Variants in RIMS2 observed in about 807,000 individuals in gnomAD.
RIMS2 encodes regulating synaptic membrane exocytosis protein 2.
Under a neutral mutation model 174.4 loss-of-function variants are expected in RIMS2, and 59 were observed. The ratio of observed to expected loss-of-function variants is 0.34; its 90% confidence interval spans 0.27 to 0.42. The LOEUF is 0.42. Among genes scored for constraint, RIMS2 ranks in the 10% least tolerant of loss-of-function variants. The pLI is 1.00. For synonymous variants in RIMS2, 606 were observed against 572.5 expected, an observed-to-expected ratio of 1.06 and a Z score of -0.84; for missense variants, 1,620 against 1,666.3, an observed-to-expected ratio of 0.97 and a Z score of 0.48.
At chr8:104,142,441 C>G (rs555222689) in intron 19 of RIMS2, among the ~76,000 whole-genome samples, 1 of 151,952 alleles carries the variant, frequency 6.6e-6, no homozygotes, top group African/African-American at 2.4e-5. Flanking sequence ...AAGTAAATAT[C>G]TTTTAAATAA....
At chr8:103,569,402 C>T in intron 1 of RIMS2, among the ~76,000 whole-genome samples, 1 of 152,102 alleles carries the variant, frequency 6.6e-6, no homozygotes, top group East Asian at 1.9e-4. Context: ...AAAAAGCTAA[C>T]TTGGATTTCA....
intron 17 of RIMS2, among the ~76,000 whole-genome samples, chr8:104,011,583 TA>T (rs2095763576): frequency 2.0e-5 from 3 of 152,060 alleles, no homozygotes; most frequent in South Asian, 4.1e-4. Context: ...TTTCAATTAT[TA>T]AAAATGATTC....
chr8:103,527,014 G>C (rs1834371084), intron 1 of RIMS2, among the ~76,000 whole-genome samples: 1 of 152,148 alleles, frequency 6.6e-6, no homozygotes, highest in Admixed American at 6.5e-5. Flanking sequence ...TATCCAGAGG[G>C]AAAATGTAGC....
intron 2 of RIMS2, among the ~76,000 whole-genome samples, chr8:103,701,780 G>T (rs1173064850): frequency 6.6e-6 from 1 of 151,896 alleles, no homozygotes; most frequent in Non-Finnish European, 1.5e-5. Context: ...CTTTTTTAGG[G>T]CCGAATAATA....
At chr8:103,512,122 T>C (rs1284144902) in intron 1 of RIMS2, among the ~76,000 whole-genome samples, 1 of 152,090 alleles carries the variant, frequency 6.6e-6, no homozygotes, top group African/African-American at 2.4e-5. Flanking sequence ...TGCTAAGAGG[T>C]TGAGTAACAC....
intron 1 of RIMS2, among the ~76,000 whole-genome samples, chr8:103,508,400 C>G (rs564177377): frequency 6.6e-6 from 1 of 150,570 alleles, no homozygotes; most frequent in Admixed American, 6.6e-5. Flanking sequence ...AGATTGTTCT[C>G]TAAGCAAAAA....
intron 3 of RIMS2, chr8:103,819,428 T>A: frequency 2.5e-6 from 4 of 1,589,688 alleles, no homozygotes; most frequent in Non-Finnish European, 3.4e-6. Flanking sequence ...CGTGTTTTTA[T>A]TTGATGGTGT....
chr8:104,040,210 G>C (rs2096585442), intron 19 of RIMS2, among the ~76,000 whole-genome samples: 1 of 151,574 alleles, frequency 6.6e-6, no homozygotes, highest in African/African-American at 2.4e-5. Context: ...AATATGCTTT[G>C]CTATATAAGT....
intron 19 of RIMS2, among the ~76,000 whole-genome samples, chr8:104,160,407 T>G (rs1042238078): frequency 2.0e-5 from 3 of 152,200 alleles, no homozygotes; most frequent in African/African-American, 4.8e-5. Context: ...CCCCAAGGTA[T>G]TAAACTGATA....
chr8:103,662,250 G>A (rs1227271459), intron 1 of RIMS2, among the ~76,000 whole-genome samples: 2 of 152,174 alleles, frequency 1.3e-5, no homozygotes, highest in East Asian at 3.9e-4. Flanking sequence ...TAAGCTATGT[G>A]CCTCTTATGG....
chr8:104,164,455 C>G (rs1171255522), intron 19 of RIMS2, among the ~76,000 whole-genome samples: 1 of 152,014 alleles, frequency 6.6e-6, no homozygotes, highest in Non-Finnish European at 1.5e-5. Context: ...AGTGAAAATA[C>G]TTGTGTTTTA....
chr8:103,792,178 ACTC>A (rs2154444086), intron 3 of RIMS2, among the ~76,000 whole-genome samples: 1 of 152,170 alleles, frequency 6.6e-6, no homozygotes, highest in East Asian at 1.9e-4. Context: ...GAAGTAAAGC[ACTC>A]CTCAGCAAAT....
At chr8:103,823,327 A>AT (rs1488256364) in intron 3 of RIMS2, among the ~76,000 whole-genome samples, 2 of 151,730 alleles carry the variant, frequency 1.3e-5, no homozygotes, top group African/African-American at 2.4e-5. Flanking sequence ...GAATATTTGG[A>AT]TTTTTTTTCA....
chr8:103,791,625 C>G (rs1363443410), intron 3 of RIMS2, among the ~76,000 whole-genome samples: 1 of 152,148 alleles, frequency 6.6e-6, no homozygotes, highest in African/African-American at 2.4e-5. Context: ...CACAGACTGG[C>G]AAATTCGGTA....
chr8:103,921,810 CT>C, intron 10 of RIMS2, 26 bp downstream of exon 13: 3 of 822,140 alleles, frequency 3.6e-6, no homozygotes, highest in Non-Finnish European at 6.2e-6. Context: ...GTTTACTCTT[CT>C]TTTTGGAATA....
At chr8:103,998,151 CTTAT>C (rs1231164384) in intron 17 of RIMS2, 3 of 1,477,696 alleles carry the variant, frequency 2.0e-6, no homozygotes, top group Middle Eastern at 1.7e-4. Context: ...TTTCTTGAGT[CTTAT>C]TTATATTCTT....
intron 17 of RIMS2, among the ~76,000 whole-genome samples, chr8:103,996,250 A>G (rs561773559): frequency 2.4e-4 from 36 of 151,804 alleles, no homozygotes; most frequent in Non-Finnish European, 4.4e-4. Context: ...TGATTACTGT[A>G]TATTGATTCT....
intron 1 of RIMS2, among the ~76,000 whole-genome samples, chr8:103,687,865 T>A (rs1394397147): frequency 7.1e-6 from 1 of 140,288 alleles, no homozygotes; most frequent in Admixed American, 7.4e-5. Flanking sequence ...AGCTGAATAG[T>A]GTTCCATTGT....
At chr8:103,985,302 C>A (rs752972268) in intron 16 of RIMS2, among the ~76,000 whole-genome samples, 1 of 151,338 alleles carries the variant, frequency 6.6e-6, no homozygotes, top group African/African-American at 2.4e-5. Flanking sequence ...GGTGAAACCC[C>A]GTCTCTACTA....
Sources: gnomAD v4.1 joint callset for allele counts (sites outside exome capture counted in the v4.1 genomes callset) on GRCh38, gnomAD v4.1.1 for gene constraint, MANE v1.5 for transcripts, NCBI Gene and HGNC (gene_info 2026-07-23, HGNC 2026-07-21) for gene names.